GMDS: variants seen among roughly 807,000 people sequenced by gnomAD.
GMDS encodes the protein GDP-mannose 4,6-dehydratase, also known as GDP-mannose 4,6 dehydratase.
In GMDS, 20 loss-of-function variants were observed where a neutral mutation model predicts 49.9. The ratio of observed to expected loss-of-function variants is 0.40; its 90% CI spans 0.28 to 0.58. GMDS has a LOEUF of 0.58. Among genes scored for constraint, GMDS ranks in the 20% least tolerant of loss-of-function variants. The pLI is 0.42. For missense variants in GMDS, 362 were observed against 481.4 expected, an observed-to-expected ratio of 0.75 and a Z score of 2.32; for synonymous variants, 177 against 178.6, an observed-to-expected ratio of 0.99 and a Z score of 0.07.
chr6:2,003,522 C>T (rs1314611939), intron 4 of GMDS, among the ~76,000 whole-genome samples: 1 of 152,076 alleles, frequency 6.6e-6, no homozygotes, highest in Admixed American at 6.6e-5. Flanking sequence ...AAAATTAAAG[C>T]AGAAATGTCC....
At chr6:2,110,327 C>T (rs1345332970) in intron 4 of GMDS, among the ~76,000 whole-genome samples, 5 of 150,772 alleles carry the variant, frequency 3.3e-5, no homozygotes, top group Admixed American at 1.3e-4. Context: ...GATTTCAACT[C>T]TCAGAACCAC....
At chr6:2,100,787 T>C (rs1773879794) in intron 4 of GMDS, among the ~76,000 whole-genome samples, 1 of 152,032 alleles carries the variant, frequency 6.6e-6, no homozygotes, top group Non-Finnish European at 1.5e-5. Context: ...TAAGATTACT[T>C]ACAGTGGAAA....
chr6:1,950,764 C>G (rs943281301), intron 6 of GMDS, among the ~76,000 whole-genome samples: 12 of 152,164 alleles, frequency 7.9e-5, no homozygotes, highest in Admixed American at 4.6e-4. Flanking sequence ...AGGTGGCATT[C>G]ACACAGATTC....
At chr6:2,244,709 G>C (rs1169360544) in intron 1 of GMDS, among the ~76,000 whole-genome samples, 1 of 152,158 alleles carries the variant, frequency 6.6e-6, no homozygotes, top group Non-Finnish European at 1.5e-5. Context: ...TTCCAAATGT[G>C]TCAACCTGAA....
chr6:1,662,228 C>T (rs924639825), intron 9 of GMDS, among the ~76,000 whole-genome samples: 1 of 152,164 alleles, frequency 6.6e-6, no homozygotes, highest in Non-Finnish European at 1.5e-5. Flanking sequence ...CTTATCTTAG[C>T]ACTGGGAAAC....
intron 7 of GMDS, among the ~76,000 whole-genome samples, chr6:1,797,457 A>G (rs1430797507): frequency 2.0e-5 from 3 of 152,200 alleles, no homozygotes; most frequent in Non-Finnish European, 2.9e-5. Context: ...TGAAACTGAA[A>G]GCTCCTCTCA....
intron 7 of GMDS, among the ~76,000 whole-genome samples, chr6:1,898,339 C>G (rs964809963): frequency 1.2e-4 from 18 of 152,336 alleles, no homozygotes; most frequent in Admixed American, 3.3e-4. Flanking sequence ...ATCAGAATTG[C>G]AAGATACCTT....
intron 7 of GMDS, among the ~76,000 whole-genome samples, chr6:1,757,219 G>A (rs963688066): frequency 9.9e-5 from 15 of 152,212 alleles, no homozygotes; most frequent in African/African-American, 3.6e-4. Context: ...AACTCACGAC[G>A]CATACACCTG....
chr6:1,697,620 G>C (rs577619302), intron 9 of GMDS, among the ~76,000 whole-genome samples: 7 of 152,194 alleles, frequency 4.6e-5, no homozygotes, highest in South Asian at 2.1e-4. Context: ...CGTCACATGA[G>C]AACTTGTTAG....
At chr6:2,130,232 G>C (rs192896821) in intron 1 of GMDS, among the ~76,000 whole-genome samples, 114 of 152,304 alleles carry the variant, frequency 7.5e-4, no homozygotes, top group African/African-American at 2.6e-3. Flanking sequence ...CTAATTAGTA[G>C]AAAGGAAATG....
intron 4 of GMDS, among the ~76,000 whole-genome samples, chr6:2,028,529 C>A (rs1174646521): frequency 6.6e-6 from 1 of 152,154 alleles, no homozygotes; most frequent in Non-Finnish European, 1.5e-5. Flanking sequence ...TCGCTCAGGA[C>A]AAAAGGTCAT....
intron 7 of GMDS, among the ~76,000 whole-genome samples, chr6:1,806,699 C>T (rs951282402): frequency 6.6e-6 from 1 of 152,182 alleles, no homozygotes; most frequent in Non-Finnish European, 1.5e-5. Context: ...GAGAAAGAGG[C>T]TCTGTTGATA....
At chr6:1,803,573 CAAAT>C (rs559782204) in intron 7 of GMDS, among the ~76,000 whole-genome samples, 615 of 151,454 alleles carry the variant, frequency 4.1e-3, no homozygotes, top group African/African-American at 0.014. Flanking sequence ...TTCCCGTCCC[CAAAT>C]AAATAAATAA....
At position 2,013,171 on chromosome 6, in the gene GMDS, A is replaced by C. The variant is rs1171320873; in HGVS notation, c.346-52205T>G. ...AAGAGTGGATTACAACTGAGAGAGC[A>C]GTAAGCCACAGACTCTATTTAGGAA... On this transcript the variant is annotated intron_variant, in intron 4 of 10. Transcript: ENST00000380815. Among the ~76,000 whole-genome samples the C allele has an allele frequency of 2.0e-5, 3 of 152,380 alleles. No homozygotes were observed. The East Asian group carries it at 5.8e-4, about 29-fold the overall frequency.
chr6:1,962,118 G>T (rs948457397), intron 4 of GMDS, among the ~76,000 whole-genome samples: 1 of 152,150 alleles, frequency 6.6e-6, no homozygotes, highest in Non-Finnish European at 1.5e-5. Context: ...CCTTTTAACA[G>T]TTTACAGTTC....
intron 7 of GMDS, among the ~76,000 whole-genome samples, chr6:1,868,981 A>G (rs939254902): frequency 1.3e-5 from 2 of 152,246 alleles, no homozygotes; most frequent in South Asian, 4.1e-4. Context: ...GAAATAATAA[A>G]GTGCAAAAGA....
At chr6:2,220,365 G>A (rs1443601042) in intron 1 of GMDS, among the ~76,000 whole-genome samples, 3 of 152,210 alleles carry the variant, frequency 2.0e-5, no homozygotes, top group African/African-American at 7.2e-5. Flanking sequence ...TGGTACAGAT[G>A]TCTGGTGATG....
intron 7 of GMDS, among the ~76,000 whole-genome samples, chr6:1,868,685 T>C (rs1221499659): frequency 2.0e-5 from 3 of 152,208 alleles, no homozygotes; most frequent in Non-Finnish European, 4.4e-5. Context: ...TGAACTCAAG[T>C]GTAGGGCTCG....
At chr6:1,860,946 C>T (rs1187984610) in intron 7 of GMDS, among the ~76,000 whole-genome samples, 1 of 152,220 alleles carries the variant, frequency 6.6e-6, no homozygotes, top group African/African-American at 2.4e-5. Flanking sequence ...CCACTAACTG[C>T]ACCAGTCAGC....
Sources: gnomAD v4.1 joint callset for allele counts (sites outside exome capture counted in the v4.1 genomes callset) on GRCh38, gnomAD v4.1.1 for gene constraint, MANE v1.5 for transcripts, NCBI Gene and HGNC (gene_info 2026-07-23, HGNC 2026-07-21) for gene names.